Variants in MGA observed in about 807,000 individuals in gnomAD.
MGA encodes MAX gene-associated protein.
Under a neutral mutation model 261.1 loss-of-function variants are expected in MGA, and 40 were observed. The observed-to-expected ratio is 0.15, with a 90% CI of 0.12 to 0.20. The LOEUF (loss-of-function observed/expected upper bound fraction) is 0.20, where lower values mean the gene tolerates loss of function less well. Among genes scored for constraint, MGA ranks in the 10% least tolerant of loss-of-function variants. MGA has a pLI of 1.00. For synonymous variants in MGA, 1,302 were observed against 1,290.6 expected (o/e 1.01, Z -0.19); for missense variants, 3,397 against 3,630.5 (o/e 0.94, Z 1.65).
chr15:41,655,096 G>T (rs1432932427), intron 1 of MGA, among the ~76,000 whole-genome samples: 1 of 151,904 alleles, frequency 6.6e-6, no homozygotes, highest in Non-Finnish European at 1.5e-5. Context: ...ATCCTCAGAT[G>T]CTCAAGTCTC....
At chr15:41,752,573 T>A (rs894528733) in intron 17 of MGA, among the ~76,000 whole-genome samples, 1 of 148,322 alleles carries the variant, frequency 6.7e-6, no homozygotes, top group African/African-American at 2.5e-5. Flanking sequence ...TTTTTTTTTT[T>A]TAACAGAGTC....
upstream of MGA, among the ~76,000 whole-genome samples, chr15:41,657,487 G>A (rs1482674395): frequency 6.6e-6 from 1 of 151,770 alleles, no homozygotes; most frequent in Non-Finnish European, 1.5e-5. Context: ...CCGTGTGGCT[G>A]GGATTATGGG....
At chr15:41,669,993 G>A in intron 2 of MGA, 35 bp downstream of exon 2, 1 of 1,534,816 alleles carries the variant, frequency 6.5e-7, no homozygotes, top group Non-Finnish European at 8.9e-7. Context: ...AGAAATAAAA[G>A]GAAGATTGAG....
chr15:41,742,854 G>A lies in MGA; in HGVS notation c.4894G>A (p.Ala1632Thr). ...TAAAGAAACTACTTATTCTTCTGGTGCCACCACTACAGGGGTTGTTGAGGT... is the reference window on the plus strand; with the variant it reads ...TAAAGAAACTACTTATTCTTCTGGTACCACCACTACAGGGGTTGTTGAGGT... The change falls in exon 15 of 24, where the codon GCC becomes ACC. Residue 1632 changes from alanine to threonine, a missense_variant. Physicochemically the swap from Ala to Thr is moderately conservative, Grantham distance 58. Around this residue, in one of 9 missense-constraint regions of MGA, gnomAD observed 1,410 missense variants for 1,386.4 expected, o/e 1.02. Transcript: ENST00000219905. 1 of 1,613,964 alleles carries A rather than the reference G, an allele frequency of 6.2e-7. No individual in the cohort carries two copies.
intron 2 of MGA, among the ~76,000 whole-genome samples, chr15:41,693,201 A>C (rs1021544292): frequency 2.6e-5 from 4 of 151,952 alleles, no homozygotes; most frequent in African/African-American, 9.7e-5. Flanking sequence ...GTACATGTGC[A>C]CAATGTGCAG....
At chr15:41,745,287 A>T (rs1297173153) in intron 15 of MGA, among the ~76,000 whole-genome samples, 4 of 138,716 alleles carry the variant, frequency 2.9e-5, no homozygotes, top group South Asian at 2.4e-4. Context: ...TCAATAAAAA[A>T]AAAAAAAAAA....
At chr15:41,706,582 T>C (rs200130872) in intron 5 of MGA, among the ~76,000 whole-genome samples, 229 of 110,096 alleles carry the variant, frequency 2.1e-3, no homozygotes, top group South Asian at 0.018. Flanking sequence ...TTTTTTTTTT[T>C]CCCTTTTTTT....
At position 41,741,912 on chromosome 15, in the gene MGA, G is replaced by A. The variant is rs59630272; in HGVS notation, c.4586-634G>A. On this transcript the variant is annotated intron_variant, in intron 14 of 23. Transcript: ENST00000219905. ...TTTTTAGTAGAGACGGGGTTTCACCGTGTTGGCCAGGCTGGTCTTGAACTC... is the reference window on the plus strand; with the variant it reads ...TTTTTAGTAGAGACGGGGTTTCACCATGTTGGCCAGGCTGGTCTTGAACTC... Among the ~76,000 whole-genome samples, 124 of 151,660 alleles carry A rather than the reference G, an allele frequency of 8.2e-4. No individual in the cohort carries two copies. The South Asian group carries it at 0.011, about 14-fold the overall frequency.
At chr15:41,626,687 T>C (rs551001419) in intron 1 of MGA, among the ~76,000 whole-genome samples, 1 of 152,334 alleles carries the variant, frequency 6.6e-6, no homozygotes, top group African/African-American at 2.4e-5. Flanking sequence ...CTTCCCAAAG[T>C]GCTGGGATTA....
rs1451949619 is a variant in MGA, at chr15:41,769,867, C to T, written c.*2587C>T. ...GAAAAGTGACTATTTTTTTAGAAAT[C>T]TAAGAACAGAAGTTTGGTGATTGAA... On this transcript the variant is annotated 3_prime_UTR_variant, in exon 24 of 24. Coordinates refer to ENST00000219905, the MANE Select transcript of MGA (RefSeq NM_001164273.2). 1 of 152,334 alleles carries T rather than the reference C, an allele frequency of 6.6e-6. No individual in the cohort carries two copies. The highest frequency in any genetic ancestry group is 1.5e-5 in the Non-Finnish European group (1 of 68,010). 9.4% of individuals were successfully genotyped at this position (152,334 alleles called of 1,614,324 possible).
intron 1 of MGA, among the ~76,000 whole-genome samples, chr15:41,650,108 C>T (rs74735834): frequency 0.033 from 4,956 of 152,232 alleles, 134 homozygotes; most frequent in South Asian, 0.07. Flanking sequence ...GGCAGAGAGC[C>T]AGTAGCTTTC....
intron 22 of MGA, 115 bp downstream of exon 22, chr15:41,762,477 T>G (rs2063533287): frequency 1.4e-6 from 1 of 735,470 alleles, no homozygotes; most frequent in East Asian, 3.1e-5. Flanking sequence ...TTTTTTTTTT[T>G]TTTTTTTTTT....
At position 41,746,544 on chromosome 15, in the gene MGA, C is replaced by CAAA. The variant is rs869061461; in HGVS notation, c.5213-2072_5213-2070dup. On this transcript the variant is annotated intron_variant, in intron 15 of 23. Coordinates refer to ENST00000219905, the MANE Select transcript of MGA (RefSeq NM_001164273.2). The stretch of plus-strand genomic sequence containing the variant: ...TGGGCAACAGAGCGAGACTTCGTCT[C>CAAA]AAAAAAAAAAAAAAAAAAAAAAAGG... 5.9e-3 allele frequency among the ~76,000 whole-genome samples: 365 copies of CAAA among 61,644 alleles called. 5 individuals are homozygous for CAAA. Among genetic ancestry groups the CAAA allele is most frequent in the African/African-American group, 0.018 (302 of 16,406 alleles). 40.4% of individuals were successfully genotyped at this position (61,644 alleles called of 152,430 possible).
intron 22 of MGA, 40 bp downstream of exon 22, chr15:41,762,402 C>T: frequency 1.4e-6 from 2 of 1,399,292 alleles, no homozygotes; most frequent in Non-Finnish European, 2.0e-6. Flanking sequence ...TGTAGATATA[C>T]ATCAGTTGAC....
At chr15:41,759,801 T>G (rs549697127) in intron 19 of MGA, among the ~76,000 whole-genome samples, 46 of 152,244 alleles carry the variant, frequency 3.0e-4, no homozygotes, top group African/African-American at 8.9e-4. Flanking sequence ...ATAAGTAATC[T>G]AGGTACAGGT....
chr15:41,756,118 G>A (rs981831087), intron 18 of MGA, among the ~76,000 whole-genome samples: 54 of 152,080 alleles, frequency 3.6e-4, no homozygotes, highest in Admixed American at 7.9e-4. Context: ...TCAGAACACC[G>A]TGAAAACAGT....
At chr15:41,668,132 T>G (rs2057858804) in intron 1 of MGA, among the ~76,000 whole-genome samples, 1 of 152,100 alleles carries the variant, frequency 6.6e-6, no homozygotes, top group Non-Finnish European at 1.5e-5. Context: ...ATCACTTTTT[T>G]TTTTTTTGGC....
Position 41,669,010 on chromosome 15 carries a change from G to A in MGA, c.116G>A (p.Gly39Glu), listed in dbSNP as rs757411884. The A allele has an allele frequency of 4.3e-6, 7 of 1,613,552 alleles. No individual in the cohort carries two copies. The highest frequency in any genetic ancestry group is 5.9e-6 in the Non-Finnish European group (7 of 1,179,620). ...CCAGGAAATGGCAAAACTGATCAAGGAATTTTGGTTACTAATCAGGATGCC... is the reference window on the plus strand; with the variant it reads ...CCAGGAAATGGCAAAACTGATCAAGAAATTTTGGTTACTAATCAGGATGCC... The change falls in exon 2 of 24, where the codon GGA becomes GAA. Residue 39 changes from glycine to glutamate, a missense_variant. Physicochemically the swap from Gly to Glu is moderately conservative, Grantham distance 98. This residue lies in a region of MGA where 81 missense variants were observed against 84.3 expected (regional missense o/e 0.96). Transcript: ENST00000219905.
At chr15:41,663,968 A>G (rs1195601610) in intron 1 of MGA, among the ~76,000 whole-genome samples, 3 of 152,218 alleles carry the variant, frequency 2.0e-5, no homozygotes, top group Non-Finnish European at 4.4e-5. Flanking sequence ...ATATGCTTAT[A>G]GCGAAGTGGA....
Sources: gnomAD v4.1 joint callset for allele counts (sites outside exome capture counted in the v4.1 genomes callset) on GRCh38, gnomAD v4.1.1 for gene constraint, gnomAD v4.1.1 regional missense constraint, MANE v1.5 for transcripts, NCBI Gene and HGNC (gene_info 2026-07-23, HGNC 2026-07-21) for gene names.